VDAC1: variants seen among roughly 807,000 people sequenced by gnomAD.
The protein encoded by VDAC1 is non-selective voltage-gated ion channel VDAC1.
Under a neutral mutation model 34.7 loss-of-function variants are expected in VDAC1, and 10 were observed. The observed-to-expected ratio is 0.29, with a 90% CI of 0.18 to 0.49. VDAC1 has a LOEUF of 0.49. VDAC1 is among the 20% of genes least tolerant of loss of function. The pLI, the probability that VDAC1 is intolerant of heterozygous loss-of-function variation, is 0.99. For missense variants in VDAC1, 230 were observed against 347.9 expected, an observed-to-expected ratio of 0.66 and a Z score of 2.69; for synonymous variants, 130 against 136.0, an observed-to-expected ratio of 0.96 and a Z score of 0.30.
At chr5:134,097,939 G>A in the VDAC1 span, among the ~76,000 whole-genome samples, 4 of 151,570 alleles carry the variant, frequency 2.6e-5, no homozygotes, top group Non-Finnish European at 4.4e-5. Flanking sequence ...GCAAGATCTC[G>A]GCTCACTGCA....
chr5:133,999,580 G>A (rs531018631), intron 1 of VDAC1, among the ~76,000 whole-genome samples: 17 of 152,212 alleles, frequency 1.1e-4, no homozygotes, highest in African/African-American at 4.1e-4. Flanking sequence ...GAAGAATGAA[G>A]TCGGGGTACT....
At position 133,971,923 on chromosome 5, in the gene VDAC1, C is replaced by G. The variant is rs1407516396; in HGVS notation, c.*848G>C. 6.6e-6 allele frequency: 1 copy of G among 152,516 alleles called. No individual in the cohort carries two copies. Among genetic ancestry groups the G allele is most frequent in the Non-Finnish European group, 1.5e-5 (1 of 68,014 alleles). 9.4% of individuals were successfully genotyped at this position (152,516 alleles called of 1,614,324 possible). A position where few individuals can be genotyped will look rare whatever the true frequency, so the allele number is the denominator to read the frequency against. ...AGACAACAGAAGAAGGATGAGGTTT[C>G]AATATTTTATTCAAGTTTTTTAAGT... On this transcript the variant is annotated 3_prime_UTR_variant, in exon 9 of 9. Transcript: ENST00000265333.
the VDAC1 span, among the ~76,000 whole-genome samples, chr5:134,042,950 C>T: frequency 2.0e-5 from 3 of 152,230 alleles, no homozygotes; most frequent in East Asian, 5.8e-4. Context: ...CCCATTGGCA[C>T]TGAGTATGTG....
the VDAC1 span, among the ~76,000 whole-genome samples, chr5:134,080,562 A>ACGGGCAGGTTAAGTCACGGAGG: frequency 2.5e-4 from 12 of 47,800 alleles, no homozygotes; most frequent in African/African-American, 8.2e-4. Context: ...CCGAGGTACC[A>ACGGGCAGGTTAAGTCACGGAGG]TACCGTGAGC....
At chr5:134,078,560 G>A in the VDAC1 span, among the ~76,000 whole-genome samples, 4 of 151,852 alleles carry the variant, frequency 2.6e-5, no homozygotes, top group Non-Finnish European at 5.9e-5. Context: ...GCCACCCTGA[G>A]CCCAGTAGGG....
the VDAC1 span, among the ~76,000 whole-genome samples, chr5:134,040,546 G>A: frequency 6.6e-6 from 1 of 151,638 alleles, no homozygotes; most frequent in Non-Finnish European, 1.5e-5. Context: ...TTGCACTCCA[G>A]CCTGGGTGAC....
the VDAC1 span, among the ~76,000 whole-genome samples, chr5:134,047,809 G>T: frequency 6.6e-6 from 1 of 152,204 alleles, no homozygotes; most frequent in African/African-American, 2.4e-5. Context: ...CAGTGAAGGG[G>T]ATGTCGCGGG....
At chr5:134,045,680 C>CT in the VDAC1 span, among the ~76,000 whole-genome samples, 958 of 144,456 alleles carry the variant, frequency 6.6e-3, 4 homozygotes, top group Non-Finnish European at 8.0e-3. Context: ...CAAGATTTTT[C>CT]TTTTTTTTTT....
the VDAC1 span, among the ~76,000 whole-genome samples, chr5:134,028,842 A>G: frequency 1.3e-5 from 2 of 152,204 alleles, no homozygotes; most frequent in Non-Finnish European, 2.9e-5. Context: ...AAGGTTTAAA[A>G]TATGTCCACA....
At chr5:134,058,689 A>C in the VDAC1 span, among the ~76,000 whole-genome samples, 2 of 152,092 alleles carry the variant, frequency 1.3e-5, no homozygotes, top group African/African-American at 4.8e-5. Context: ...GATCATGCAA[A>C]CTGCATTCTA....
the VDAC1 span, among the ~76,000 whole-genome samples, chr5:134,059,123 C>T: frequency 6.6e-6 from 1 of 152,212 alleles, no homozygotes; most frequent in Admixed American, 6.5e-5. Flanking sequence ...GCAGGCTTTG[C>T]CAGCCTATGG....
chr5:134,079,597 T>C, the VDAC1 span, among the ~76,000 whole-genome samples: 1 of 152,180 alleles, frequency 6.6e-6, no homozygotes, highest in Non-Finnish European at 1.5e-5. Context: ...GTGGCATTTG[T>C]TTTGGGACAA....
chr5:134,056,547 C>T, the VDAC1 span, among the ~76,000 whole-genome samples: 9 of 151,748 alleles, frequency 5.9e-5, no homozygotes, highest in African/African-American at 2.2e-4. Flanking sequence ...TCAAGTGATC[C>T]TCTAGCCTCG....
the VDAC1 span, among the ~76,000 whole-genome samples, chr5:134,080,756 C>T: frequency 6.6e-6 from 1 of 152,122 alleles, no homozygotes; most frequent in Non-Finnish European, 1.5e-5. Context: ...TCATATTTTT[C>T]AACTTTATTG....
At chr5:134,005,616 G>A (rs1753731325), upstream of VDAC1, 1 of 152,196 alleles carries the variant, frequency 6.6e-6, no homozygotes, top group South Asian at 2.1e-4. Flanking sequence ...GCCGGTTATG[G>A]CCGGCCGGCC....
At chr5:133,984,850 C>T (rs369968924) in intron 5 of VDAC1, among the ~76,000 whole-genome samples, 11 of 152,100 alleles carry the variant, frequency 7.2e-5, no homozygotes, top group South Asian at 2.1e-4. Flanking sequence ...GCAGAAGAAT[C>T]GCTGGAACCC....
the VDAC1 span, among the ~76,000 whole-genome samples, chr5:134,091,768 G>A: frequency 6.6e-6 from 1 of 152,222 alleles, no homozygotes; most frequent in African/African-American, 2.4e-5. Flanking sequence ...GAACTGAGTT[G>A]TCATTGTCCA....
the VDAC1 span, among the ~76,000 whole-genome samples, chr5:134,096,800 C>A: frequency 1.3e-5 from 2 of 152,062 alleles, no homozygotes; most frequent in African/African-American, 4.8e-5. Flanking sequence ...TTCATGTTGC[C>A]CAGGCTGGTT....
chr5:134,045,309 A>G, the VDAC1 span, among the ~76,000 whole-genome samples: 2 of 152,218 alleles, frequency 1.3e-5, no homozygotes, highest in African/African-American at 4.8e-5. Flanking sequence ...CCAGTGTATC[A>G]GCTTCCTACT....
Sources: allele counts gnomAD v4.1 joint callset (sites outside exome capture counted in the v4.1 genomes callset), GRCh38; gene constraint gnomAD v4.1.1; transcripts MANE v1.5; gene names NCBI Gene and HGNC (gene_info 2026-07-23, HGNC 2026-07-21).